The following OTUD7A variants were observed in gnomAD, a reference collection of about 807,000 sequenced individuals.
The protein encoded by OTUD7A is OTU deubiquitinase 7A.
OTUD7A carries 12 observed loss-of-function variants against 65.7 expected under a neutral mutation model. The observed-to-expected ratio is 0.18, with a 90% confidence interval of 0.12 to 0.30. The LOEUF (loss-of-function observed/expected upper bound fraction) is 0.30. OTUD7A is among the 10% of genes least tolerant of loss of function. The pLI, the probability that OTUD7A is intolerant of heterozygous loss-of-function variation, is 1.00. For missense variants in OTUD7A, 1,148 were observed against 1,304.8 expected (o/e 0.88, Z 1.85); for synonymous variants, 641 against 586.3 (o/e 1.09, Z -1.35).
intron 1 of OTUD7A, among the ~76,000 whole-genome samples, chr15:31,865,240 G>T (rs1897848173): frequency 6.6e-6 from 1 of 152,180 alleles, no homozygotes; most frequent in Non-Finnish European, 1.5e-5. Context: ...TTTGTAAAAG[G>T]CATGAAAAAT....
At chr15:31,672,614 C>T (rs1242654673) in intron 1 of OTUD7A, among the ~76,000 whole-genome samples, 4 of 152,186 alleles carry the variant, frequency 2.6e-5, no homozygotes, top group Non-Finnish European at 5.9e-5. Context: ...AGGATTCCCA[C>T]ATAGACTCAC....
At chr15:31,737,942 C>T (rs553265153) in intron 1 of OTUD7A, among the ~76,000 whole-genome samples, 3 of 152,226 alleles carry the variant, frequency 2.0e-5, no homozygotes, top group Non-Finnish European at 2.9e-5. Flanking sequence ...TATTTATGTT[C>T]ATAAATGTAT....
intron 3 of OTUD7A, among the ~76,000 whole-genome samples, chr15:31,598,850 A>T (rs925723493): frequency 2.6e-5 from 4 of 152,130 alleles, no homozygotes; most frequent in African/African-American, 9.7e-5. Context: ...CTGAGGCTTG[A>T]GTAGGTGGTT....
In OTUD7A at chr15:31,476,799, G is replaced by A. The variant is rs1461085229; in HGVS notation, c.*6495C>T. On this transcript the variant is annotated 3_prime_UTR_variant, in exon 13 of 13. Coordinates refer to ENST00000307050, the MANE Select transcript of OTUD7A (RefSeq NM_001382637.1). ...CCACAGTAGGACAAAAGTCCCATAA[G>A]AAGCTTGTAACAGTATTTTGCCAAC... The A allele has an allele frequency of 1.3e-5, 2 of 152,290 alleles. No homozygotes were observed. Among genetic ancestry groups the A allele is most frequent in the African/African-American group, 4.8e-5 (2 of 41,472 alleles). The allele number at this position is 152,290 out of a possible 1,614,324, so 9.4% of individuals were successfully genotyped here.
chr15:31,560,316 T>C (rs531667886), intron 4 of OTUD7A, among the ~76,000 whole-genome samples: 1 of 152,366 alleles, frequency 6.6e-6, no homozygotes, highest in South Asian at 2.1e-4. Context: ...GATATTCTTT[T>C]GCCACAGCAC....
intron 5 of OTUD7A, among the ~76,000 whole-genome samples, chr15:31,553,361 C>T (rs1888387527): frequency 6.6e-6 from 1 of 152,074 alleles, no homozygotes; most frequent in Non-Finnish European, 1.5e-5. Context: ...CCAACTCATG[C>T]TCACCACTGC....
At position 31,487,057 on chromosome 15, in the gene OTUD7A, TG is replaced by T; in HGVS notation, c.1371+136del. On this transcript the variant is annotated intron_variant, in intron 12 of 12. Transcript: ENST00000307050. The surrounding 1 kb of genome is among the most constrained non-coding windows in gnomAD (Gnocchi z 6.0). ...AGGAGGTGGAGGAGCTACTGGGCTG[TG>T]GGTATGGCTGGGGTGGGCGGCCGGG... The T allele has an allele frequency of 1.3e-6, 1 of 767,934 alleles. No homozygotes were observed. Among genetic ancestry groups the T allele is most frequent in the Non-Finnish European group, 2.1e-6 (1 of 471,878 alleles). 47.6% of individuals were successfully genotyped at this position (767,934 alleles called of 1,614,324 possible). A position where few individuals can be genotyped will look rare whatever the true frequency, so the allele number is the denominator to read the frequency against.
intron 3 of OTUD7A, among the ~76,000 whole-genome samples, chr15:31,646,449 CTTTT>C (rs538298082): frequency 7.6e-4 from 111 of 146,414 alleles, no homozygotes; most frequent in African/African-American, 2.6e-3. Flanking sequence ...TTCCTTCTTT[CTTTT>C]TCTTTCTTTT....
At chr15:31,528,805 T>G (rs1338031679) in intron 6 of OTUD7A, among the ~76,000 whole-genome samples, 1 of 152,264 alleles carries the variant, frequency 6.6e-6, no homozygotes, top group East Asian at 1.9e-4. Context: ...CCACAAGGAC[T>G]GCTGGTGAAT....
intron 1 of OTUD7A, among the ~76,000 whole-genome samples, chr15:31,695,292 C>G (rs1893052647): frequency 1.4e-5 from 2 of 140,070 alleles, no homozygotes; most frequent in South Asian, 5.4e-4. Flanking sequence ...TATATACCAG[C>G]AGTGGGATGG....
intron 1 of OTUD7A, among the ~76,000 whole-genome samples, chr15:31,666,793 C>T (rs535891010): frequency 3.1e-4 from 47 of 152,048 alleles, no homozygotes; most frequent in Non-Finnish European, 6.3e-4. Context: ...TCCTAGTATC[C>T]CCTTTGCTGT....
intron 1 of OTUD7A, among the ~76,000 whole-genome samples, chr15:31,735,770 T>C (rs1234016028): frequency 6.6e-6 from 1 of 152,146 alleles, no homozygotes; most frequent in East Asian, 1.9e-4. Context: ...TATATGTTCA[T>C]TAAAGCACTA....
chr15:31,684,468 G>A (rs1299216444), intron 1 of OTUD7A, among the ~76,000 whole-genome samples: 1 of 152,160 alleles, frequency 6.6e-6, no homozygotes, highest in African/African-American at 2.4e-5. Flanking sequence ...GCAGAAGTCA[G>A]AGTGCACCTT....
At chr15:31,807,457 TTTTC>T (rs1213050338) in intron 1 of OTUD7A, among the ~76,000 whole-genome samples, 1 of 152,202 alleles carries the variant, frequency 6.6e-6, no homozygotes, top group Non-Finnish European at 1.5e-5. Flanking sequence ...GTACATGTTA[TTTTC>T]TTTGACTGTC....
intron 1 of OTUD7A, among the ~76,000 whole-genome samples, chr15:31,811,964 T>C (rs1337163911): frequency 6.6e-6 from 1 of 152,176 alleles, no homozygotes; most frequent in Non-Finnish European, 1.5e-5. Flanking sequence ...TGAGGAGACC[T>C]GAGAGAGGAC....
At chr15:31,747,779 T>C (rs1894519134) in intron 1 of OTUD7A, among the ~76,000 whole-genome samples, 2 of 152,120 alleles carry the variant, frequency 1.3e-5, no homozygotes. Context: ...GGGAGAAACT[T>C]CCACTACCTT....
intron 5 of OTUD7A, chr15:31,557,337 T>A (rs982515576): frequency 2.6e-5 from 4 of 152,240 alleles, no homozygotes; most frequent in African/African-American, 9.7e-5. Flanking sequence ...CCCGGCACAT[T>A]GACTTTCTGG....
At position 31,806,725 on chromosome 15, in the gene OTUD7A, G is replaced by C. The variant is rs111700357; in HGVS notation, c.-100+63782C>G. ...AAACAGTTCCCTCTAGCTAAAAAGA[G>C]AGAATTTATCAAAATATGTTATCAA... is the stretch of plus-strand genomic sequence containing the variant. On this transcript the variant is annotated intron_variant, in intron 1 of 12. Transcript: ENST00000307050. Among the ~76,000 whole-genome samples the C allele has an allele frequency of 5.2e-3, 788 of 152,326 alleles. 4 individuals carry two copies. The highest frequency in any genetic ancestry group is 0.018 in the African/African-American group (754 of 41,570).
chr15:31,651,731 A>AT (rs1179590181), intron 3 of OTUD7A, among the ~76,000 whole-genome samples: 1 of 152,228 alleles, frequency 6.6e-6, no homozygotes, highest in Middle Eastern at 3.2e-3. Flanking sequence ...AGAAACTGAA[A>AT]TAAAAAATAC....
Sources: allele counts gnomAD v4.1 joint callset (sites outside exome capture counted in the v4.1 genomes callset), GRCh38; gene constraint gnomAD v4.1.1; non-coding constraint Gnocchi (gnomAD v3.1); transcripts MANE v1.5; gene names NCBI Gene and HGNC (gene_info 2026-07-23, HGNC 2026-07-21).